RSPO3: variants seen among roughly 807,000 people sequenced by gnomAD.
The protein encoded by RSPO3 is R-spondin 3.
RSPO3 carries 17 observed loss-of-function variants against 36.5 expected under a neutral mutation model. That is an observed-to-expected ratio of 0.47 (90% confidence interval 0.32 to 0.70). The LOEUF (loss-of-function observed/expected upper bound fraction) is 0.70. Among genes scored for constraint, RSPO3 ranks in the 30% least tolerant of loss-of-function variants. The probability of loss-of-function intolerance (pLI) is 0.04; values close to 1 mark genes in which losing one functional copy is unlikely to be tolerated. For missense variants in RSPO3, 294 were observed against 322.5 expected, an observed-to-expected ratio of 0.91 and a Z score of 0.68; for synonymous variants, 108 against 107.0, an observed-to-expected ratio of 1.01 and a Z score of -0.06.
chr6:127,175,529 T>C (rs1455060509), intron 4 of RSPO3, among the ~76,000 whole-genome samples: 1 of 151,798 alleles, frequency 6.6e-6, no homozygotes, highest in East Asian at 1.9e-4. Context: ...ATTTTGTTCG[T>C]ATATGAGCAT....
At chr6:127,119,386 C>A in intron 1 of RSPO3, 97 bp downstream of exon 1, 1 of 854,828 alleles carries the variant, frequency 1.2e-6, no homozygotes, top group South Asian at 1.5e-5. Flanking sequence ...TGCAGCGGTC[C>A]TCCCGCCCTG....
intron 4 of RSPO3, among the ~76,000 whole-genome samples, chr6:127,172,880 T>G (rs1774968981): frequency 6.6e-6 from 1 of 151,762 alleles, no homozygotes; most frequent in Admixed American, 6.6e-5. Flanking sequence ...CTGAGTCCAG[T>G]GATATTTCAA....
At chr6:127,134,839 A>C (rs954522559) in intron 1 of RSPO3, among the ~76,000 whole-genome samples, 9 of 152,184 alleles carry the variant, frequency 5.9e-5, no homozygotes, top group African/African-American at 1.7e-4. Flanking sequence ...TAAGGAACAG[A>C]TCAAAATGAC....
chr6:127,143,229 A>C (rs1003361677), intron 1 of RSPO3, among the ~76,000 whole-genome samples: 8 of 152,180 alleles, frequency 5.3e-5, no homozygotes, highest in Non-Finnish European at 8.8e-5. Context: ...ATTATCTCAA[A>C]TTCCTGAATC....
At chr6:127,172,457 G>C (rs1486703977) in intron 4 of RSPO3, among the ~76,000 whole-genome samples, 2 of 151,512 alleles carry the variant, frequency 1.3e-5, no homozygotes, top group African/African-American at 4.8e-5. Context: ...CAGTTACCTG[G>C]TTATATAAAT....
At chr6:127,186,062 T>G (rs1355061776) in intron 4 of RSPO3, among the ~76,000 whole-genome samples, 2 of 152,180 alleles carry the variant, frequency 1.3e-5, no homozygotes, top group African/African-American at 4.8e-5. Flanking sequence ...TCTTTGGAAT[T>G]CGTTCAATTC....
intron 4 of RSPO3, among the ~76,000 whole-genome samples, chr6:127,172,538 C>T (rs1396958112): frequency 6.6e-6 from 1 of 151,480 alleles, no homozygotes. Context: ...AATGGTTTTC[C>T]AGGGGAATTA....
chr6:127,138,690 C>T (rs1168691197), intron 1 of RSPO3, among the ~76,000 whole-genome samples: 1 of 152,014 alleles, frequency 6.6e-6, no homozygotes, highest in East Asian at 1.9e-4. Flanking sequence ...ATGAGGAAAC[C>T]TAGGCTCAAA....
chr6:127,139,687 A>G (rs1774231057), intron 1 of RSPO3, among the ~76,000 whole-genome samples: 1 of 152,022 alleles, frequency 6.6e-6, no homozygotes, highest in African/African-American at 2.4e-5. Flanking sequence ...ACACTGTTGG[A>G]TCTGTCTTAT....
At chr6:127,149,155 C>T (rs1774442534) in intron 2 of RSPO3, among the ~76,000 whole-genome samples, 1 of 152,006 alleles carries the variant, frequency 6.6e-6, no homozygotes, top group African/African-American at 2.4e-5. Flanking sequence ...ACACAAAATC[C>T]AAGTATTGAC....
At chr6:127,157,688 G>A (rs1390250971) in intron 4 of RSPO3, among the ~76,000 whole-genome samples, 2 of 151,812 alleles carry the variant, frequency 1.3e-5, no homozygotes, top group African/African-American at 4.8e-5. Context: ...ACTAACAAGT[G>A]GCAAATATGA....
At chr6:127,127,685 AC>A (rs1773964990) in intron 1 of RSPO3, among the ~76,000 whole-genome samples, 1 of 151,892 alleles carries the variant, frequency 6.6e-6, no homozygotes. Flanking sequence ...TCTAGGCTAG[AC>A]TCCAAAGCCA....
rs370569170 is a variant in RSPO3, at chr6:127,196,025, T to C, written c.*18T>C. The C allele has an allele frequency of 1.3e-5, 20 of 1,571,070 alleles. No homozygotes were observed. Among genetic ancestry groups the C allele is most frequent in the African/African-American group, 2.7e-5 (2 of 73,900 alleles). On this transcript the variant is annotated 3_prime_UTR_variant, in exon 5 of 5. Coordinates refer to ENST00000356698, the MANE Select transcript of RSPO3 (RefSeq NM_032784.5). ...TACACTAGAGGGTTCCATGAGATTATTGTAGACTCATGATGCTGCTATCTC... is the reference window on the plus strand; with the variant it reads ...TACACTAGAGGGTTCCATGAGATTACTGTAGACTCATGATGCTGCTATCTC...
intron 1 of RSPO3, among the ~76,000 whole-genome samples, chr6:127,147,213 T>G (rs1244268060): frequency 6.6e-6 from 1 of 152,218 alleles, no homozygotes; most frequent in Non-Finnish European, 1.5e-5. Context: ...ATGACCTCTC[T>G]GTAACTAACC....
In RSPO3 at chr6:127,127,062, A is replaced by C. The variant is rs539531867; in HGVS notation, c.97+7773A>C. On this transcript the variant is annotated intron_variant, in intron 1 of 4. Coordinates refer to ENST00000356698, the MANE Select transcript of RSPO3 (RefSeq NM_032784.5). ...ATTGTCCTTAGAAAACTAGCTGGTA[A>C]GCATATTTATAATTATACCCCAATA... Among the ~76,000 whole-genome samples, 5 of 152,246 alleles carry C rather than the reference A, an allele frequency of 3.3e-5. No individual in the cohort carries two copies. The East Asian group carries it at 9.6e-4, about 29-fold the overall frequency.
rs573562555 is a variant in RSPO3 at position 127,154,677 on chromosome 6, G to A, written c.437-564G>A. On this transcript the variant is annotated intron_variant, in intron 3 of 4. Coordinates refer to ENST00000356698, the MANE Select transcript of RSPO3 (RefSeq NM_032784.5). ...CTGCTCAAGCATTCTCTAACACAGA[G>A]GTTCTCAAAAGGAGTTCCCAGTACC... 4.6e-5 allele frequency among the ~76,000 whole-genome samples: 7 copies of A among 152,260 alleles called. No homozygotes were observed. The East Asian group carries it at 1.2e-3, about 25-fold the overall frequency.
chr6:127,184,329 T>C (rs945433386), intron 4 of RSPO3, among the ~76,000 whole-genome samples: 1 of 151,996 alleles, frequency 6.6e-6, no homozygotes, highest in African/African-American at 2.4e-5. Context: ...TTCCTAATAT[T>C]ATGAAAACTG....
At chr6:127,163,849 G>T (rs1774759505) in intron 4 of RSPO3, among the ~76,000 whole-genome samples, 1 of 152,016 alleles carries the variant, frequency 6.6e-6, no homozygotes, top group African/African-American at 2.4e-5. Context: ...AATTATCTTA[G>T]GCAAGAAGAA....
At chr6:127,175,543 G>A (rs967249713) in intron 4 of RSPO3, among the ~76,000 whole-genome samples, 1 of 151,734 alleles carries the variant, frequency 6.6e-6, no homozygotes, top group Admixed American at 6.6e-5. Flanking sequence ...TGAGCATAAA[G>A]TACTGGAAAA....
Sources: gnomAD v4.1 joint callset for allele counts (sites outside exome capture counted in the v4.1 genomes callset) on GRCh38, gnomAD v4.1.1 for gene constraint, MANE v1.5 for transcripts, NCBI Gene and HGNC (gene_info 2026-07-23, HGNC 2026-07-21) for gene names.